HDAC9: variants seen among roughly 807,000 people sequenced by gnomAD.
HDAC9 encodes the protein histone deacetylase 9.
A neutral mutation model predicts 139.4 loss-of-function variants in HDAC9; 41 were observed. The observed-to-expected ratio is 0.29, with a 90% CI of 0.23 to 0.38. HDAC9 has a LOEUF of 0.38. Ranked by LOEUF, HDAC9 falls within the 10% of genes least tolerant of loss-of-function variation. HDAC9 has a pLI of 1.00. For missense variants in HDAC9, 1,147 were observed against 1,297.0 expected (o/e 0.88, Z 1.78); for synonymous variants, 517 against 476.2 (o/e 1.09, Z -1.12).
At chr7:18,446,491 A>G (rs978288534) in intron 1 of HDAC9, among the ~76,000 whole-genome samples, 9 of 152,238 alleles carry the variant, frequency 5.9e-5, no homozygotes, top group African/African-American at 1.7e-4. Context: ...GCTGCTTCTC[A>G]TATAACGTAT....
intron 22 of HDAC9, among the ~76,000 whole-genome samples, chr7:18,911,947 C>G (rs181307082): frequency 1.3e-5 from 2 of 152,030 alleles, no homozygotes; most frequent in Admixed American, 1.3e-4. Flanking sequence ...GTTCCATGTA[C>G]TAATGAGAAG....
intron 13 of HDAC9, among the ~76,000 whole-genome samples, chr7:18,733,413 C>T (rs1179321635): frequency 6.6e-6 from 1 of 150,514 alleles, no homozygotes; most frequent in East Asian, 1.9e-4. Context: ...AATAGAGAGA[C>T]TAATTTTTTC....
chr7:18,136,521 T>C (rs1236028401), intron 1 of HDAC9, among the ~76,000 whole-genome samples: 1 of 152,248 alleles, frequency 6.6e-6, no homozygotes, highest in Non-Finnish European at 1.5e-5. Context: ...TTTCTACATA[T>C]GGCTAGCCAA....
At chr7:18,358,893 CA>C (rs1783544127) in intron 1 of HDAC9, among the ~76,000 whole-genome samples, 2 of 152,182 alleles carry the variant, frequency 1.3e-5, no homozygotes, top group Non-Finnish European at 2.9e-5. Context: ...AAAATTTATG[CA>C]AAGTACCTGT....
At chr7:18,854,524 G>T (rs941912944) in intron 21 of HDAC9, among the ~76,000 whole-genome samples, 1 of 152,066 alleles carries the variant, frequency 6.6e-6, no homozygotes. Context: ...TAATTCAGGT[G>T]TATTTCCAAT....
chr7:18,089,917 GTTTT>G (rs34970204), intron 1 of HDAC9, among the ~76,000 whole-genome samples: 1 of 139,682 alleles, frequency 7.2e-6, no homozygotes, highest in East Asian at 2.0e-4. Context: ...TGCTTCATTG[GTTTT>G]TTTTTGTTTG....
At chr7:18,385,145 T>C (rs1449473189) in intron 1 of HDAC9, among the ~76,000 whole-genome samples, 2 of 152,174 alleles carry the variant, frequency 1.3e-5, no homozygotes, top group Non-Finnish European at 2.9e-5. Flanking sequence ...TTATAGACAT[T>C]CGAGAACCCT....
intron 12 of HDAC9, among the ~76,000 whole-genome samples, chr7:18,723,154 T>C (rs1016169993): frequency 1.3e-5 from 2 of 152,212 alleles, no homozygotes; most frequent in African/African-American, 4.8e-5. Context: ...TTATTTTGTG[T>C]TGTGATTGCT....
chr7:18,785,052 T>G (rs1422953784), intron 16 of HDAC9, among the ~76,000 whole-genome samples: 2 of 151,988 alleles, frequency 1.3e-5, no homozygotes, highest in Non-Finnish European at 2.9e-5. Flanking sequence ...GCCAATGATA[T>G]TATATAATTA....
chr7:18,151,752 A>G (rs772172548), intron 1 of HDAC9: 4 of 152,202 alleles, frequency 2.6e-5, no homozygotes, highest in African/African-American at 9.6e-5. Context: ...ACAACAAACT[A>G]TCATCATGTT....
intron 12 of HDAC9, among the ~76,000 whole-genome samples, chr7:18,697,689 T>C (rs1783153843): frequency 6.6e-6 from 1 of 152,146 alleles, no homozygotes; most frequent in Non-Finnish European, 1.5e-5. Context: ...CATGGTTTGC[T>C]CAGTCTTCAT....
Position 18,114,297 on chromosome 7 carries a change from C to T in HDAC9, c.-97+27084C>T, listed in dbSNP as rs888699289. ...CCTTAGCGGAATTCTTCTTAGACCT[C>T]ATTGGCCACCCTTGGCTACAATAGA... is the stretch of plus-strand genomic sequence containing the variant. On this transcript the variant is annotated intron_variant, in intron 1 of 12. Coordinates refer to the HDAC9 transcript ENST00000417496. 2.0e-5 allele frequency among the ~76,000 whole-genome samples: 3 copies of T among 152,208 alleles called. No homozygotes were observed. In the South Asian group the frequency reaches 6.2e-4, roughly 32 times the overall value.
chr7:18,851,057 A>G lies in HDAC9; in HGVS notation c.2684+15060A>G, dbSNP rs117602376. Among the ~76,000 whole-genome samples, 5 of 152,278 alleles carry G rather than the reference A, an allele frequency of 3.3e-5. No homozygotes were observed. The East Asian group carries it at 9.6e-4, about 29-fold the overall frequency. The stretch of plus-strand genomic sequence containing the variant: ...CATAGCAATTGCCAAGACAAACATG[A>G]GTGGATTTTGAAGAGTAGTGAGAAT... On this transcript the variant is annotated intron_variant, in intron 21 of 25. Transcript: ENST00000686413.
intron 11 of HDAC9, among the ~76,000 whole-genome samples, chr7:18,661,663 CTA>C (rs1044999412): frequency 6.6e-5 from 10 of 151,954 alleles, no homozygotes; most frequent in African/African-American, 2.4e-4. Flanking sequence ...CATTTTATAT[CTA>C]TATGTTTTCT....
At chr7:18,506,340 A>G (rs886895102) in intron 2 of HDAC9, among the ~76,000 whole-genome samples, 1 of 152,182 alleles carries the variant, frequency 6.6e-6, no homozygotes, top group African/African-American at 2.4e-5. Context: ...GATGACAACA[A>G]GAGACACACA....
intron 11 of HDAC9, among the ~76,000 whole-genome samples, chr7:18,663,023 A>G (rs1020836873): frequency 2.0e-5 from 3 of 152,076 alleles, no homozygotes; most frequent in African/African-American, 7.2e-5. Context: ...GTGGTTTTCA[A>G]TGAAGTATGG....
intron 14 of HDAC9, among the ~76,000 whole-genome samples, chr7:18,755,587 G>A (rs1788803689): frequency 6.6e-6 from 1 of 152,074 alleles, no homozygotes; most frequent in Non-Finnish European, 1.5e-5. Flanking sequence ...AAGAATAATT[G>A]CAATGTAGGG....
intron 22 of HDAC9, among the ~76,000 whole-genome samples, chr7:18,932,330 T>C (rs567581384): frequency 1.4e-4 from 21 of 152,282 alleles, no homozygotes; most frequent in Non-Finnish European, 2.6e-4. Context: ...TTTTTCTAAA[T>C]GTTGAATGAG....
At chr7:18,530,198 G>C (rs1036204459) in intron 2 of HDAC9, among the ~76,000 whole-genome samples, 2 of 152,242 alleles carry the variant, frequency 1.3e-5, no homozygotes, top group South Asian at 4.2e-4. Context: ...GGGAGGTTGA[G>C]GCTGTAGTGA....
Sources: gnomAD v4.1 joint callset for allele counts (sites outside exome capture counted in the v4.1 genomes callset) on GRCh38, gnomAD v4.1.1 for gene constraint, MANE v1.5 for transcripts, NCBI Gene and HGNC (gene_info 2026-07-23, HGNC 2026-07-21) for gene names.